Variants in WDR73 observed in about 807,000 individuals in gnomAD.
WDR73 encodes the protein integrator complex assembly factor WDR73.
A neutral mutation model predicts 38.2 loss-of-function variants in WDR73; 30 were observed. That is an observed-to-expected ratio of 0.79 (90% CI 0.59 to 1.06). The LOEUF (loss-of-function observed/expected upper bound fraction) is 1.06. Among genes scored for constraint, WDR73 ranks in the 50% least tolerant of loss-of-function variants. WDR73 has a pLI of 0.00. For synonymous variants in WDR73, 197 were observed against 176.0 expected (o/e 1.12, Z -0.94); for missense variants, 487 against 467.0 (o/e 1.04, Z -0.40).
chr15:84,645,717 C>T lies in WDR73; in HGVS notation c.637G>A (p.Glu213Lys), dbSNP rs778694344. 5.6e-6 allele frequency: 9 copies of T among 1,610,024 alleles called. No homozygotes were observed. Among genetic ancestry groups the T allele is most frequent in the Non-Finnish European group, 7.6e-6 (9 of 1,178,238 alleles). Residue 213 changes from glutamate (E) to lysine (K), a missense_variant, in exon 7 of 8, where the codon GAG becomes AAG. Glu to Lys is a moderately conservative substitution (Grantham distance 56, BLOSUM62 1). Coordinates refer to ENST00000434634, the MANE Select transcript of WDR73 (RefSeq NM_032856.5). ...VDTRQKWAPLENRSPGPGSGG... is the reference protein window; with the variant it reads ...VDTRQKWAPLKNRSPGPGSGG... ...GACCCAGGGCCAGGGCTGCGATTCT[C>T]CAACGGTGCCCACTTCTGCCGGGTG... is the stretch of plus-strand genomic sequence containing the variant.
Position 84,643,541 on chromosome 15 carries a change from T to C in WDR73, c.1066A>G (p.Thr356Ala), listed in dbSNP as rs769648300. Residue 356 changes from threonine (T) to alanine (A), a missense_variant, in exon 8 of 8, where the codon ACT (threonine) becomes GCT (alanine). Coordinates refer to ENST00000434634, the MANE Select transcript of WDR73 (RefSeq NM_032856.5). ...THTWHPCRPRTLLSATNDASL... is the reference protein window; with the variant it reads ...THTWHPCRPRALLSATNDASL... ...GCATCATTTGTTGCTGATAACAAAG[T>C]CCTTGGTCTGCAGGGATGCCAGGTG... 2 of 1,606,280 alleles carry C rather than the reference T, an allele frequency of 1.2e-6. No individual in the cohort carries two copies. Among genetic ancestry groups the C allele is most frequent in the South Asian group, 2.2e-5 (2 of 89,440 alleles).
Position 84,643,301 on chromosome 15 carries a change from T to G in WDR73, c.*169A>C. On this transcript the variant is annotated 3_prime_UTR_variant, in exon 8 of 8. Coordinates refer to ENST00000434634, the MANE Select transcript of WDR73 (RefSeq NM_032856.5). ...AATATCACTACGAGGTAGTTCTTAC[T>G]ATCCTCATTTTACAGATAAGGAAAC... 1.3e-6 allele frequency: 1 copy of G among 749,562 alleles called. No individual in the cohort carries two copies. Among genetic ancestry groups the G allele is most frequent in the Non-Finnish European group, 2.1e-6 (1 of 471,592 alleles). 46.4% of individuals were successfully genotyped at this position (749,562 alleles called of 1,614,324 possible). A position where few individuals can be genotyped will look rare whatever the true frequency, so the allele number is the denominator to read the frequency against.
intron 3 of WDR73, among the ~76,000 whole-genome samples, chr15:84,651,741 AC>A (rs1171928718): frequency 6.6e-6 from 1 of 152,004 alleles, no homozygotes; most frequent in Non-Finnish European, 1.5e-5. Context: ...TTCCCTCCCT[AC>A]ATTTCGTGAC....
rs576240879 is a variant in WDR73 at position 84,644,552 on chromosome 15, C to G, written c.884-829G>C. On this transcript the variant is annotated intron_variant, in intron 7 of 7. Transcript: ENST00000434634. ...CTACCACCAGACCAGAACCAGGGGC[C>G]TGCTGACCTAGCTGGCTTGCTACTT... 2.0e-5 allele frequency: 3 copies of G among 151,922 alleles called. No individual in the cohort carries two copies. In the East Asian group the frequency reaches 5.8e-4, roughly 29 times the overall value. The allele number at this position is 151,922 out of a possible 1,614,324, so 9.4% of individuals were successfully genotyped here.
intron 2 of WDR73, 169 bp from the exon 3 acceptor site, chr15:84,652,971 T>C: frequency 1.9e-6 from 1 of 513,766 alleles, no homozygotes. Flanking sequence ...CAGGCTGGAG[T>C]GCAGTGGTCC....
At chr15:84,653,015 C>T in intron 2 of WDR73, 1 of 421,458 alleles carries the variant, frequency 2.4e-6, no homozygotes, top group South Asian at 5.3e-5. Flanking sequence ...ACCTGCCAGG[C>T]TCAAGTGATC....
chr15:84,646,233 T>G lies in WDR73; in HGVS notation c.468A>C (p.Arg156=), dbSNP rs2271431. The G allele has an allele frequency of 0.25, 402,929 of 1,613,662 alleles. 53,450 individuals are homozygous for G. The highest frequency in any genetic ancestry group is 0.38 in the Middle Eastern group (2,304 of 6,062). ...ACTCCAGATCAACGACCTGCAGACT[T>G]CGGAGCCTCGCCCCATGGAGGACTC... ...APGVLHGARL[R]SLQVVDLESR... is the part of the protein sequence containing the mutation. The change falls in exon 6 of 8, where the codon CGA becomes CGC. Residue 156 remains arginine (R), a synonymous_variant. Coordinates refer to ENST00000434634, the MANE Select transcript of WDR73 (RefSeq NM_032856.5).
rs143981160 is a variant in WDR73, at chr15:84,648,202, C to T, written c.288-248G>A. 437 of 593,932 alleles carry T rather than the reference C, an allele frequency of 7.4e-4. 3 individuals are homozygous for T. Among genetic ancestry groups the T allele is most frequent in the African/African-American group, 7.2e-3 (386 of 53,898 alleles). The allele number at this position is 593,932 out of a possible 1,614,324, so 36.8% of individuals were successfully genotyped here. A position where few individuals can be genotyped will look rare whatever the true frequency, so the allele number is the denominator to read the frequency against. On this transcript the variant is annotated intron_variant, in intron 4 of 7. Transcript: ENST00000434634. Reference sequence around the variant, plus strand: ...GAGGACACAAGTATGGGGCCAAACACAACCTGACCCAGAGACTCTTGGCCT... The same window carrying T: ...GAGGACACAAGTATGGGGCCAAACATAACCTGACCCAGAGACTCTTGGCCT...
intron 4 of WDR73, 120 bp from the exon 5 acceptor site, chr15:84,648,074 G>T: frequency 1.2e-6 from 1 of 862,200 alleles, no homozygotes; most frequent in Non-Finnish European, 1.9e-6. Context: ...CTTACTGCAA[G>T]ATCATCAAGG....
intron 5 of WDR73, 89 bp from the exon 6 acceptor site, chr15:84,646,437 G>C (rs1032892472): frequency 2.7e-6 from 4 of 1,503,350 alleles, no homozygotes; most frequent in Non-Finnish European, 3.5e-6. Flanking sequence ...TGTACATTTA[G>C]AAGATCAAGG....
In WDR73 at chr15:84,643,534, A is replaced by G. The variant is rs760797380; in HGVS notation, c.1073T>C (p.Leu358Ser). 6.2e-6 allele frequency: 10 copies of G among 1,602,636 alleles called. No individual in the cohort carries two copies. In the Admixed American group the frequency reaches 1.4e-4, roughly 22 times the overall value. ...TWHPCRPRTL[L>S]SATNDASLHV... is the part of the protein sequence containing the mutation. The stretch of plus-strand genomic sequence containing the variant: ...CAGAGAGGCATCATTTGTTGCTGAT[A>G]ACAAAGTCCTTGGTCTGCAGGGATG... Residue 358 changes from leucine (L) to serine (S), a missense_variant, in exon 8 of 8, where the codon TTA (leucine) becomes TCA (serine). Physicochemically the swap from Leu to Ser is moderately radical, Grantham distance 145. Transcript: ENST00000434634.
chr15:84,644,305 C>CT (rs1896370369), intron 7 of WDR73: 1 of 154,094 alleles, frequency 6.5e-6, no homozygotes, highest in Non-Finnish European at 1.4e-5. Context: ...CTTCACGTCC[C>CT]TGCACGATCT....
Position 84,642,649 on chromosome 15 carries a change from G to A in WDR73, c.*821C>T, listed in dbSNP as rs1240211132. The A allele has an allele frequency of 6.6e-6, 1 of 151,938 alleles. No individual in the cohort carries two copies. The highest frequency in any genetic ancestry group is 1.5e-5 in the Non-Finnish European group (1 of 68,052). 9.4% of individuals were successfully genotyped at this position (151,938 alleles called of 1,614,324 possible). On this transcript the variant is annotated 3_prime_UTR_variant, in exon 8 of 8. Coordinates refer to ENST00000434634, the MANE Select transcript of WDR73 (RefSeq NM_032856.5). Reference sequence around the variant, plus strand: ...AACCAGCTAACTTGTATTTTTAGTAGAGACAAGGTTTCGCCATGTTGCTCA... The same window carrying A: ...AACCAGCTAACTTGTATTTTTAGTAAAGACAAGGTTTCGCCATGTTGCTCA...
chr15:84,652,318 A>G (rs1009196433), intron 3 of WDR73, among the ~76,000 whole-genome samples: 3 of 151,816 alleles, frequency 2.0e-5, no homozygotes, highest in African/African-American at 7.3e-5. Flanking sequence ...TTCTTTGGGG[A>G]GGGGGGGTGC....
Sources: allele counts gnomAD v4.1 joint callset (sites outside exome capture counted in the v4.1 genomes callset), GRCh38; gene constraint gnomAD v4.1.1; transcripts MANE v1.5; gene names NCBI Gene and HGNC (gene_info 2026-07-23, HGNC 2026-07-21).